DCC: variants seen among roughly 807,000 people sequenced by gnomAD.
DCC encodes DCC netrin 1 receptor, also known as netrin receptor DCC.
In DCC, 58 loss-of-function variants were observed where a neutral mutation model predicts 172.5. The ratio of observed to expected loss-of-function variants is 0.34; its 90% CI spans 0.27 to 0.42. The LOEUF is 0.42. Among genes scored for constraint, DCC ranks in the 10% least tolerant of loss-of-function variants. DCC has a pLI of 1.00. For synonymous variants in DCC, 709 were observed against 644.5 expected, an observed-to-expected ratio of 1.10 and a Z score of -1.52; for missense variants, 1,740 against 1,791.0, an observed-to-expected ratio of 0.97 and a Z score of 0.51.
intron 1 of DCC, among the ~76,000 whole-genome samples, chr18:52,371,019 A>G (rs1340401396): frequency 6.6e-6 from 1 of 152,222 alleles, no homozygotes; most frequent in Non-Finnish European, 1.5e-5. Flanking sequence ...AGAAATCAAT[A>G]GAACTTTGTC....
intron 26 of DCC, among the ~76,000 whole-genome samples, chr18:53,489,259 A>C (rs940917930): frequency 3.3e-5 from 5 of 152,322 alleles, no homozygotes; most frequent in African/African-American, 1.2e-4. Context: ...AAATAAATAC[A>C]TCTTCAGTCA....
intron 5 of DCC, among the ~76,000 whole-genome samples, chr18:53,026,254 C>G (rs1261336132): frequency 7.2e-5 from 11 of 152,020 alleles, no homozygotes; most frequent in African/African-American, 1.9e-4. Flanking sequence ...AAATTTAATG[C>G]TCTGTCACAT....
chr18:52,982,721 T>C (rs938077591), intron 5 of DCC, among the ~76,000 whole-genome samples: 9 of 152,162 alleles, frequency 5.9e-5, no homozygotes, highest in Admixed American at 2.0e-4. Flanking sequence ...AGAGAACCAC[T>C]AGGTTCTTAT....
chr18:52,389,014 T>C (rs1985927416), intron 1 of DCC, among the ~76,000 whole-genome samples: 1 of 152,074 alleles, frequency 6.6e-6, no homozygotes, highest in Non-Finnish European at 1.5e-5. Context: ...TGGGTGTTAG[T>C]TGTGTATTCT....
chr18:53,439,834 G>A (rs1435680225), intron 22 of DCC, among the ~76,000 whole-genome samples: 28 of 145,428 alleles, frequency 1.9e-4, no homozygotes, highest in African/African-American at 7.0e-4. Flanking sequence ...GCGGGATCTC[G>A]GCTCACTGCA....
intron 5 of DCC, among the ~76,000 whole-genome samples, chr18:53,026,601 G>T (rs374623660): frequency 6.6e-6 from 1 of 151,978 alleles, no homozygotes; most frequent in South Asian, 2.1e-4. Flanking sequence ...TGTCACCTAG[G>T]TTGAAGTGCA....
intron 5 of DCC, among the ~76,000 whole-genome samples, chr18:53,062,978 T>C (rs144561879): frequency 1.7e-4 from 26 of 152,280 alleles, no homozygotes; most frequent in African/African-American, 5.8e-4. Context: ...CAAAGACTTA[T>C]GTACTTTTCA....
intron 12 of DCC, among the ~76,000 whole-genome samples, chr18:53,265,404 A>G (rs1475542761): frequency 1.3e-5 from 2 of 152,180 alleles, no homozygotes; most frequent in Admixed American, 1.3e-4. Context: ...TTGGAGAAAC[A>G]CTCCATGTAT....
chr18:53,173,565 A>T lies in DCC; in HGVS notation c.1419-5397A>T, dbSNP rs576133003. Among the ~76,000 whole-genome samples the T allele has an allele frequency of 6.6e-5, 10 of 152,282 alleles. No individual in the cohort carries two copies. In the East Asian group the frequency reaches 1.2e-3, roughly 18 times the overall value. Reference sequence around the variant, plus strand: ...TAAAACAGACTTTAAACCAACAAAGATCAAAAGAGACAAAGAAGGTCATTA... The same window carrying T: ...TAAAACAGACTTTAAACCAACAAAGTTCAAAAGAGACAAAGAAGGTCATTA... On this transcript the variant is annotated intron_variant, in intron 8 of 28. Transcript: ENST00000442544.
chr18:52,558,292 T>G (rs2032960992), intron 1 of DCC, among the ~76,000 whole-genome samples: 2 of 151,986 alleles, frequency 1.3e-5, no homozygotes, highest in African/African-American at 4.8e-5. Context: ...CATTTATTAC[T>G]TGGAAAAATA....
intron 1 of DCC, among the ~76,000 whole-genome samples, chr18:52,689,217 A>G (rs1421349238): frequency 1.3e-5 from 2 of 152,150 alleles, no homozygotes; most frequent in African/African-American, 2.4e-5. Flanking sequence ...AAATCACACG[A>G]AACAACTTGA....
chr18:53,479,682 G>A (rs1015898237), intron 25 of DCC, among the ~76,000 whole-genome samples: 2 of 152,040 alleles, frequency 1.3e-5, no homozygotes, highest in African/African-American at 2.4e-5. Context: ...TCTGACAAAG[G>A]GTTGGTGAAA....
chr18:53,206,865 G>T (rs1244674007), intron 10 of DCC, among the ~76,000 whole-genome samples: 1 of 151,370 alleles, frequency 6.6e-6, no homozygotes, highest in South Asian at 2.1e-4. Flanking sequence ...TGCATGATCA[G>T]AATTTTTACT....
At chr18:52,798,077 C>CG (rs879875573) in intron 2 of DCC, among the ~76,000 whole-genome samples, 6,284 of 152,214 alleles carry the variant, frequency 0.041, 216 homozygotes, top group South Asian at 0.15. Flanking sequence ...GTTGCTTGCA[C>CG]AAAGGCTACA....
At position 52,561,964 on chromosome 18, in the gene DCC, G is replaced by C. The variant is rs563098285; in HGVS notation, c.92-190090G>C. Among the ~76,000 whole-genome samples, 4 of 152,202 alleles carry C rather than the reference G, an allele frequency of 2.6e-5. No individual in the cohort carries two copies. The South Asian group carries it at 8.3e-4, about 32-fold the overall frequency. On this transcript the variant is annotated intron_variant, in intron 1 of 28. Coordinates refer to ENST00000442544, the MANE Select transcript of DCC (RefSeq NM_005215.4). ...GCATTCCAATTTTATTATTTCACAA[G>C]TGTTAATTAAGAATGGTTAATTGTC...
rs11273813 is a variant in DCC, at chr18:52,497,344, CAT to C, written c.91+156476_91+156477del. Among the ~76,000 whole-genome samples the C allele has an allele frequency of 4.7e-4, 16 of 34,230 alleles. 3 individuals are homozygous for C. The highest frequency in any genetic ancestry group is 3.6e-3 in the South Asian group (3 of 832). 22.5% of individuals were successfully genotyped at this position (34,230 alleles called of 152,430 possible). On this transcript the variant is annotated intron_variant, in intron 1 of 28. Transcript: ENST00000442544. ...ACACACATATATATACACACGTATG[CAT>C]ATATATATACACACATATACATATG...
At chr18:52,911,261 T>A (rs1340090813) in intron 3 of DCC, among the ~76,000 whole-genome samples, 3 of 152,044 alleles carry the variant, frequency 2.0e-5, no homozygotes, top group African/African-American at 7.2e-5. Flanking sequence ...GAAGGGCAAA[T>A]TCAGGTACAC....
intron 1 of DCC, among the ~76,000 whole-genome samples, chr18:52,464,740 C>T (rs980659543): frequency 2.0e-5 from 3 of 151,616 alleles, no homozygotes; most frequent in South Asian, 4.2e-4. Context: ...TTGGTACTAC[C>T]TGTTTTGTTT....
At chr18:52,916,703 T>G (rs2040046319) in intron 3 of DCC, among the ~76,000 whole-genome samples, 1 of 152,138 alleles carries the variant, frequency 6.6e-6, no homozygotes, top group South Asian at 2.1e-4. Flanking sequence ...CCCTGCTTAT[T>G]GAGTTTTGCT....
Sources: allele counts gnomAD v4.1 joint callset (sites outside exome capture counted in the v4.1 genomes callset), GRCh38; gene constraint gnomAD v4.1.1; transcripts MANE v1.5; gene names NCBI Gene and HGNC (gene_info 2026-07-23, HGNC 2026-07-21).